Variants in TRIO observed in about 807,000 individuals in gnomAD.
TRIO encodes triple functional domain protein.
Under a neutral mutation model 351.9 loss-of-function variants are expected in TRIO, and 58 were observed. That is an observed-to-expected ratio of 0.16 (90% CI 0.13 to 0.21). The LOEUF is 0.21. Among genes scored for constraint, TRIO ranks in the 10% least tolerant of loss-of-function variants. The pLI is 1.00. For synonymous variants in TRIO, 1,758 were observed against 1,595.7 expected (o/e 1.10, Z -2.42); for missense variants, 3,201 against 4,027.8 (o/e 0.79, Z 5.56).
At chr5:14,219,016 G>A (rs1792411576) in intron 1 of TRIO, among the ~76,000 whole-genome samples, 1 of 152,190 alleles carries the variant, frequency 6.6e-6, no homozygotes, top group South Asian at 2.1e-4. Flanking sequence ...GGTTTCTGAT[G>A]CTGTCAGAGA....
chr5:14,284,837 C>G (rs1736304635), intron 3 of TRIO, among the ~76,000 whole-genome samples: 1 of 152,202 alleles, frequency 6.6e-6, no homozygotes, highest in Non-Finnish European at 1.5e-5. Flanking sequence ...TGTACGGCAG[C>G]AGAATATGTG....
At chr5:14,249,777 A>T (rs1490179809) in intron 1 of TRIO, among the ~76,000 whole-genome samples, 1 of 152,032 alleles carries the variant, frequency 6.6e-6, no homozygotes, top group Non-Finnish European at 1.5e-5. Flanking sequence ...TGGTTTAAAA[A>T]CCTGCATCCT....
intron 11 of TRIO, among the ~76,000 whole-genome samples, chr5:14,357,736 C>T (rs1345567068): frequency 1.3e-5 from 2 of 152,098 alleles, no homozygotes; most frequent in Admixed American, 6.5e-5. Context: ...CGGGGGAAAT[C>T]GGTGGTTTAA....
chr5:14,233,136 C>T (rs1793553421), intron 1 of TRIO, among the ~76,000 whole-genome samples: 1 of 151,844 alleles, frequency 6.6e-6, no homozygotes, highest in Non-Finnish European at 1.5e-5. Flanking sequence ...AGGTCAGATA[C>T]CTAGTTCAGG....
At position 14,175,820 on chromosome 5, in the gene TRIO, G is replaced by A. The variant is rs115276939; in HGVS notation, c.157+31938G>A. Among the ~76,000 whole-genome samples, 1,452 of 152,296 alleles carry A rather than the reference G, an allele frequency of 9.5e-3. 12 individuals are homozygous for A. Among genetic ancestry groups the A allele is most frequent in the Non-Finnish European group, 0.015 (993 of 68,018 alleles). ...CTGTGCGAGTCATGAAAATAGACGGGATACCTAGACTGCTAATGTCCTGGG... is the reference window on the plus strand; with the variant it reads ...CTGTGCGAGTCATGAAAATAGACGGAATACCTAGACTGCTAATGTCCTGGG... On this transcript the variant is annotated intron_variant, in intron 1 of 56. Coordinates refer to ENST00000344204, the MANE Select transcript of TRIO (RefSeq NM_007118.4).
At chr5:14,490,799 C>T (rs1488404878) in intron 48 of TRIO, 10 of 455,838 alleles carry the variant, frequency 2.2e-5, no homozygotes, top group Non-Finnish European at 8.8e-6. Context: ...GGTATATTAC[C>T]AAAAGCAGCT....
intron 1 of TRIO, among the ~76,000 whole-genome samples, chr5:14,219,175 A>G (rs1410527374): frequency 6.6e-6 from 1 of 152,130 alleles, no homozygotes; most frequent in African/African-American, 2.4e-5. Flanking sequence ...TTTAAGGCCA[A>G]GTGCTTTGTG....
chr5:14,363,077 C>T (rs922468315), intron 13 of TRIO, among the ~76,000 whole-genome samples: 8 of 149,930 alleles, frequency 5.3e-5, no homozygotes, highest in Non-Finnish European at 8.8e-5. Flanking sequence ...CAGCTTACTG[C>T]AACCTCTGCC....
intron 34 of TRIO, among the ~76,000 whole-genome samples, chr5:14,450,553 A>C (rs1752782395): frequency 6.6e-6 from 1 of 151,994 alleles, no homozygotes; most frequent in Non-Finnish European, 1.5e-5. Flanking sequence ...GAAAAAAAAA[A>C]CCTGGGGAAT....
intron 1 of TRIO, among the ~76,000 whole-genome samples, chr5:14,172,778 A>AT (rs974081129): frequency 2.0e-5 from 3 of 152,192 alleles, no homozygotes; most frequent in Non-Finnish European, 4.4e-5. Context: ...TACGGAACAT[A>AT]TTTTTTGGAG....
intron 27 of TRIO, among the ~76,000 whole-genome samples, chr5:14,391,444 C>G (rs1162086019): frequency 6.6e-6 from 1 of 152,134 alleles, no homozygotes; most frequent in Non-Finnish European, 1.5e-5. Context: ...TCAAAAACAA[C>G]CTACCAGTAA....
chr5:14,257,000 G>A (rs1206451247), intron 1 of TRIO, among the ~76,000 whole-genome samples: 3 of 152,370 alleles, frequency 2.0e-5, no homozygotes, highest in East Asian at 3.9e-4. Context: ...TCCAGTCACT[G>A]TTCCCTGTGG....
chr5:14,195,471 A>G (rs1790716419), intron 1 of TRIO, among the ~76,000 whole-genome samples: 1 of 152,172 alleles, frequency 6.6e-6, no homozygotes, highest in Non-Finnish European at 1.5e-5. Context: ...CGCCAACTCC[A>G]TTGTCAAATT....
intron 33 of TRIO, among the ~76,000 whole-genome samples, chr5:14,414,273 TA>T (rs1215096369): frequency 6.6e-6 from 1 of 152,248 alleles, no homozygotes; most frequent in Non-Finnish European, 1.5e-5. Flanking sequence ...TGGGATATGC[TA>T]AAAGCAAGAG....
chr5:14,207,262 T>TCTACACAC (rs368009449), intron 1 of TRIO, among the ~76,000 whole-genome samples: 1 of 46,068 alleles, frequency 2.2e-5, no homozygotes, highest in Non-Finnish European at 4.1e-5. Context: ...AGATGGTCTC[T>TCTACACAC]ACACACACAC....
intron 11 of TRIO, among the ~76,000 whole-genome samples, chr5:14,350,018 C>T (rs1742907083): frequency 6.6e-6 from 1 of 152,168 alleles, no homozygotes; most frequent in Admixed American, 6.5e-5. Context: ...AGGATAACGG[C>T]CTCCAGCTCT....
At chr5:14,505,215 T>G (rs1401670824) in intron 55 of TRIO, among the ~76,000 whole-genome samples, 7 of 152,252 alleles carry the variant, frequency 4.6e-5, no homozygotes, top group Non-Finnish European at 1.0e-4. Context: ...GGTTCTCATC[T>G]AGGGGTGGGT....
At position 14,314,554 on chromosome 5, in the gene TRIO, T is replaced by C. The variant is rs185420076; in HGVS notation, c.1501-1959T>C. Reference sequence around the variant, plus strand: ...AACCAAACACTGTCTTTGATTAACATGGTTGTTGGATTTGTGGGAAGATCA... The same window carrying C: ...AACCAAACACTGTCTTTGATTAACACGGTTGTTGGATTTGTGGGAAGATCA... On this transcript the variant is annotated intron_variant, in intron 8 of 56. Transcript: ENST00000344204. Among the ~76,000 whole-genome samples the C allele has an allele frequency of 2.0e-4, 31 of 152,290 alleles. 1 individual carries two copies. Among genetic ancestry groups the C allele is most frequent in the African/African-American group, 7.5e-4 (31 of 41,518 alleles).
intron 31 of TRIO, among the ~76,000 whole-genome samples, chr5:14,401,409 A>C (rs1291442313): frequency 6.6e-6 from 1 of 152,218 alleles, no homozygotes; most frequent in Non-Finnish European, 1.5e-5. Context: ...AAAAACTCTG[A>C]TTGCGCACTT....
Sources: allele counts gnomAD v4.1 joint callset (sites outside exome capture counted in the v4.1 genomes callset), GRCh38; gene constraint gnomAD v4.1.1; transcripts MANE v1.5; gene names NCBI Gene and HGNC (gene_info 2026-07-23, HGNC 2026-07-21).